The following SPIDR variants were observed in gnomAD, a reference collection of about 807,000 sequenced individuals.
The protein encoded by SPIDR is DNA repair-scaffolding protein.
SPIDR carries 93 observed loss-of-function variants against 104.6 expected under a neutral mutation model. The observed-to-expected ratio is 0.89, with a 90% CI of 0.75 to 1.06. The LOEUF is 1.06. SPIDR is among the 50% of genes least tolerant of loss of function. SPIDR has a pLI of 0.00. For synonymous variants in SPIDR, 431 were observed against 416.9 expected (o/e 1.03, Z -0.41); for missense variants, 1,154 against 1,111.2 (o/e 1.04, Z -0.55).
chr8:47,649,508 A>G (rs2154454122), intron 10 of SPIDR, among the ~76,000 whole-genome samples: 1 of 152,272 alleles, frequency 6.6e-6, no homozygotes, highest in Middle Eastern at 3.4e-3. Context: ...CCGATTCTGA[A>G]CTATCTCCTT....
Position 47,658,755 on chromosome 8 carries a change from C to T in SPIDR, c.1545-15046C>T, listed in dbSNP as rs375906087. Among the ~76,000 whole-genome samples the T allele has an allele frequency of 3.1e-4, 47 of 151,608 alleles. No homozygotes were observed. In the East Asian group the frequency reaches 6.7e-3, roughly 21 times the overall value. ...TTCGAGACCAGCCTGGCCAACGTAGCGAAACCCCATCTCTACTAAAAATAC... is the reference window on the plus strand; with the variant it reads ...TTCGAGACCAGCCTGGCCAACGTAGTGAAACCCCATCTCTACTAAAAATAC... On this transcript the variant is annotated intron_variant, in intron 10 of 19. Transcript: ENST00000297423.
chr8:47,400,141 T>A (rs2061686722), intron 6 of SPIDR, among the ~76,000 whole-genome samples: 1 of 152,074 alleles, frequency 6.6e-6, no homozygotes, highest in Non-Finnish European at 1.5e-5. Flanking sequence ...TACCAGATGG[T>A]CTTGAAGCTG....
chr8:47,595,842 C>T lies in SPIDR; in HGVS notation c.1129C>T (p.Pro377Ser). 6.2e-7 allele frequency: 1 copy of T among 1,613,978 alleles called. No homozygotes were observed. Among genetic ancestry groups the T allele is most frequent in the South Asian group, 1.1e-5 (1 of 91,018 alleles). ...QKLIIPSGSC[P>S]VILNTYFCEK... ...ACTGATTATTCCAAGTGGAAGTTGCCCTGTTATTCTGAATACTTACTTTTG... is the reference window on the plus strand; with the variant it reads ...ACTGATTATTCCAAGTGGAAGTTGCTCTGTTATTCTGAATACTTACTTTTG... The change falls in exon 9 of 20, where the codon CCT becomes TCT. Residue 377 changes from proline (P) to serine (S), a missense_variant. Physicochemically the swap from Pro to Ser is moderately conservative, Grantham distance 74 (BLOSUM62 -1). Transcript: ENST00000297423.
chr8:47,699,300 G>A (rs1002878451), intron 11 of SPIDR, among the ~76,000 whole-genome samples: 6 of 152,158 alleles, frequency 3.9e-5, no homozygotes, highest in Non-Finnish European at 8.8e-5. Context: ...AATGCCAGCA[G>A]CATCCCCCAG....
At chr8:47,463,014 TA>T (rs1452498821) in intron 8 of SPIDR, among the ~76,000 whole-genome samples, 3 of 151,892 alleles carry the variant, frequency 2.0e-5, no homozygotes, top group African/African-American at 7.3e-5. Context: ...CATGAAGAAA[TA>T]AAAAATCTGA....
At chr8:47,732,308 A>T (rs1169942375) in intron 19 of SPIDR, 1 of 663,994 alleles carries the variant, frequency 1.5e-6, no homozygotes, top group South Asian at 1.7e-5. Flanking sequence ...GTGCACATTT[A>T]TGCAGTATGT....
intron 5 of SPIDR, among the ~76,000 whole-genome samples, chr8:47,350,288 C>T (rs564248495): frequency 6.6e-6 from 1 of 152,214 alleles, no homozygotes; most frequent in South Asian, 2.1e-4. Flanking sequence ...TTTTCCTTGA[C>T]ACGTGAAAGA....
intron 5 of SPIDR, among the ~76,000 whole-genome samples, chr8:47,384,865 A>G (rs981093430): frequency 5.3e-5 from 8 of 152,264 alleles, no homozygotes; most frequent in East Asian, 1.9e-4. Flanking sequence ...TGTTCTGCTC[A>G]TTTTGAAGGG....
intron 16 of SPIDR, among the ~76,000 whole-genome samples, chr8:47,726,673 GAGGTGTCTTTGACACACGTCTC>G: frequency 6.6e-6 from 1 of 152,318 alleles, no homozygotes; most frequent in East Asian, 1.9e-4. Flanking sequence ...GGGATGCCCA[GAGGTGTCTTTGACACACGTCTC>G]AGGTGTCTTT....
rs184893238 is a variant in SPIDR, at chr8:47,315,309, A to G, written c.525+21279A>G. Among the ~76,000 whole-genome samples, 84 of 152,300 alleles carry G rather than the reference A, an allele frequency of 5.5e-4. 1 individual carries two copies. The highest frequency in any genetic ancestry group is 1.9e-3 in the African/African-American group (78 of 41,574). ...ATATGCATACCGAGATAAATAATATATGGGTCCTAAAACATGTCTCACTAC... is the reference window on the plus strand; with the variant it reads ...ATATGCATACCGAGATAAATAATATGTGGGTCCTAAAACATGTCTCACTAC... On this transcript the variant is annotated intron_variant, in intron 5 of 19. Coordinates refer to ENST00000297423, the MANE Select transcript of SPIDR (RefSeq NM_001080394.4).
chr8:47,404,180 C>T (rs548154337), intron 6 of SPIDR, among the ~76,000 whole-genome samples: 19 of 152,208 alleles, frequency 1.2e-4, no homozygotes, highest in Non-Finnish European at 2.8e-4. Flanking sequence ...CCCTTCCTTA[C>T]ACCTTATACA....
chr8:47,449,628 G>T (rs148675021), intron 8 of SPIDR, among the ~76,000 whole-genome samples: 1 of 152,150 alleles, frequency 6.6e-6, no homozygotes, highest in African/African-American at 2.4e-5. Flanking sequence ...AGTCTTTTCC[G>T]TCAAAATTAC....
chr8:47,290,090 A>C (rs2039628365), intron 3 of SPIDR, among the ~76,000 whole-genome samples: 1 of 151,952 alleles, frequency 6.6e-6, no homozygotes, highest in Non-Finnish European at 1.5e-5. Flanking sequence ...CCCAGGCTGG[A>C]GTGCAGTGGC....
chr8:47,321,291 A>G (rs1301253542), intron 5 of SPIDR, among the ~76,000 whole-genome samples: 1 of 151,918 alleles, frequency 6.6e-6, no homozygotes, highest in African/African-American at 2.4e-5. Context: ...GCATTCTTAT[A>G]CACCAATAAC....
chr8:47,322,620 T>C (rs2046893783), intron 5 of SPIDR, among the ~76,000 whole-genome samples: 1 of 152,206 alleles, frequency 6.6e-6, no homozygotes, highest in African/African-American at 2.4e-5. Flanking sequence ...ATCATGCTGC[T>C]ATAAAGACAC....
At position 47,517,626 on chromosome 8, in the gene SPIDR, G is replaced by GA. The variant is rs1488510661; in HGVS notation, c.1097+77091dup. On this transcript the variant is annotated intron_variant, in intron 8 of 19. Transcript: ENST00000297423. ...ATCTATCCTGATTGTAGTTTTCTCA[G>GA]AAAAAAACATACTTTTAACCTAAAG... Among the ~76,000 whole-genome samples the GA allele has an allele frequency of 2.6e-5, 4 of 152,084 alleles. No homozygotes were observed. In the East Asian group the frequency reaches 7.7e-4, roughly 29 times the overall value.
intron 9 of SPIDR, among the ~76,000 whole-genome samples, chr8:47,597,045 C>T (rs1416711729): frequency 6.6e-6 from 1 of 152,128 alleles, no homozygotes; most frequent in African/African-American, 2.4e-5. Flanking sequence ...TCTGAAGTAC[C>T]TGTCTAAGGA....
chr8:47,487,560 C>T (rs1209714203), intron 8 of SPIDR, among the ~76,000 whole-genome samples: 1 of 152,150 alleles, frequency 6.6e-6, no homozygotes, highest in Non-Finnish European at 1.5e-5. Context: ...ACATTCTTCC[C>T]AGCACCACTT....
rs192746456 is a variant in SPIDR at position 47,653,191 on chromosome 8, G to T, written c.1545-20610G>T. Among the ~76,000 whole-genome samples the T allele has an allele frequency of 1.4e-3, 219 of 152,254 alleles. 1 individual carries two copies. Among genetic ancestry groups the T allele is most frequent in the African/African-American group, 5.0e-3 (207 of 41,540 alleles). ...CTCTGAAAGCCTGTGTGACTCTTGC[G>T]TGGGCCAACATGCCCTTTGATGGCT... On this transcript the variant is annotated intron_variant, in intron 10 of 19. Coordinates refer to ENST00000297423, the MANE Select transcript of SPIDR (RefSeq NM_001080394.4).
Sources: gnomAD v4.1 joint callset for allele counts (sites outside exome capture counted in the v4.1 genomes callset) on GRCh38, gnomAD v4.1.1 for gene constraint, MANE v1.5 for transcripts, NCBI Gene and HGNC (gene_info 2026-07-23, HGNC 2026-07-21) for gene names.